The following TMPRSS2 variants were observed in gnomAD, a reference collection of about 807,000 sequenced individuals.
TMPRSS2 encodes the protein transmembrane protease serine 2.
Under a neutral mutation model 67.4 loss-of-function variants are expected in TMPRSS2, and 59 were observed. The ratio of observed to expected loss-of-function variants is 0.88; its 90% CI spans 0.71 to 1.09. TMPRSS2 has a LOEUF of 1.09. Among genes scored for constraint, TMPRSS2 ranks in the 50% least tolerant of loss-of-function variants. The pLI is 0.00. For synonymous variants in TMPRSS2, 257 were observed against 257.0 expected (o/e 1.00, Z 0.00); for missense variants, 668 against 642.7 (o/e 1.04, Z -0.43).
chr21:41,470,683 C>T lies in TMPRSS2; in HGVS notation c.1136G>A (p.Cys379Tyr). 4 of 1,613,658 alleles carry T rather than the reference C, an allele frequency of 2.5e-6. No homozygotes were observed. Among genetic ancestry groups the T allele is most frequent in the Non-Finnish European group, 3.4e-6 (4 of 1,179,972 alleles). Residue 379 changes from cysteine (C) to tyrosine (Y), a missense_variant, in exon 11 of 14, where the codon TGC becomes TAC. By Grantham distance (194) the Cys-to-Tyr change is radical (BLOSUM62 -2). Coordinates refer to ENST00000332149, the MANE Select transcript of TMPRSS2 (RefSeq NM_005656.4). ...GGTGGCCCCCCACCCGGAAATCCAG[C>T]AGAGCTGTTCTGGCTGCAGCATCAT... is the stretch of plus-strand genomic sequence containing the variant. ...PGMMLQPEQL[C>Y]WISGWGATEE...
rs562934488 is a variant in TMPRSS2, at chr21:41,476,525, G to C, written c.727+52C>G. Reference sequence around the variant, plus strand: ...CACAGGGAGTACTGTTCTGAAAGTAGAGAGCTTTTCCTAGTTAGAAGTATC... The same window carrying C: ...CACAGGGAGTACTGTTCTGAAAGTACAGAGCTTTTCCTAGTTAGAAGTATC... On this transcript the variant is annotated intron_variant, in intron 8 of 13. Coordinates refer to ENST00000332149, the MANE Select transcript of TMPRSS2 (RefSeq NM_005656.4). 48 of 1,567,932 alleles carry C rather than the reference G, an allele frequency of 3.1e-5. No homozygotes were observed. The East Asian group carries it at 1.1e-3, about 35-fold the overall frequency.
chr21:41,507,473 C>T (rs1231672330), intron 1 of TMPRSS2, among the ~76,000 whole-genome samples: 1 of 152,166 alleles, frequency 6.6e-6, no homozygotes, highest in Non-Finnish European at 1.5e-5. Context: ...ACTGGCCGTT[C>T]GCACCTCGCC....
intron 5 of TMPRSS2, 53 bp from the exon 6 acceptor site, chr21:41,480,655 T>G: frequency 6.3e-7 from 1 of 1,595,856 alleles, no homozygotes; most frequent in Non-Finnish European, 8.5e-7. Context: ...TTTCTTTTTT[T>G]TGAGACGGAG....
At chr21:41,502,428 C>T (rs1443554710) in intron 1 of TMPRSS2, 2 of 985,322 alleles carry the variant, frequency 2.0e-6, no homozygotes, top group African/African-American at 1.7e-5. Context: ...CCACCTGTGA[C>T]TGGTACGGTT....
At chr21:41,473,844 AG>A (rs2091157643) in intron 8 of TMPRSS2, among the ~76,000 whole-genome samples, 1 of 148,358 alleles carries the variant, frequency 6.7e-6, no homozygotes, top group Non-Finnish European at 1.5e-5. Flanking sequence ...AAGAAAAGGA[AG>A]ATGGGAGGGG....
chr21:41,470,870 C>T (rs2091127681), intron 10 of TMPRSS2, 127 bp from the exon 11 acceptor site: 4 of 622,220 alleles, frequency 6.4e-6, no homozygotes, highest in Non-Finnish European at 1.1e-5. Context: ...TGCATCCCAA[C>T]AAGTCCCACA....
chr21:41,494,847 G>A, intron 2 of TMPRSS2: 3 of 442,378 alleles, frequency 6.8e-6, no homozygotes, highest in Non-Finnish European at 8.3e-6. Context: ...GAGGCGGGCG[G>A]ATCATGAGGT....
rs182796345 is a variant in TMPRSS2, at chr21:41,471,786, C to G, written c.1075+20G>C. ...TTTAAGATTCTGCCAACCTGCTTGCCAAGCCTGAGCCACACGTACCGTTGA... is the reference window on the plus strand; with the variant it reads ...TTTAAGATTCTGCCAACCTGCTTGCGAAGCCTGAGCCACACGTACCGTTGA... On this transcript the variant is annotated intron_variant, in intron 10 of 13. Coordinates refer to ENST00000332149, the MANE Select transcript of TMPRSS2 (RefSeq NM_005656.4). The G allele has an allele frequency of 7.0e-6, 11 of 1,571,338 alleles. No homozygotes were observed. In the East Asian group the frequency reaches 2.5e-4, roughly 36 times the overall value.
chr21:41,497,433 T>C (rs2091391697), intron 2 of TMPRSS2, among the ~76,000 whole-genome samples: 1 of 152,162 alleles, frequency 6.6e-6, no homozygotes, highest in Non-Finnish European at 1.5e-5. Flanking sequence ...ATCTCAGCCA[T>C]CTAAGAACTT....
chr21:41,477,120 A>G (rs1474669103), intron 7 of TMPRSS2, among the ~76,000 whole-genome samples: 1 of 152,232 alleles, frequency 6.6e-6, no homozygotes, highest in Non-Finnish European at 1.5e-5. Context: ...AAGAGGAAGT[A>G]ACTGATGCAT....
Position 41,464,794 on chromosome 21 carries a change from G to A in TMPRSS2, c.*1348C>T, listed in dbSNP as rs2091071418. 4.3e-6 allele frequency: 1 copy of A among 233,302 alleles called. No individual in the cohort carries two copies. Among genetic ancestry groups the A allele is most frequent in the South Asian group, 1.8e-4 (1 of 5,528 alleles). 14.5% of individuals were successfully genotyped at this position (233,302 alleles called of 1,614,324 possible). ...AATGCTGCTCTCTACAGAGGCATGT[G>A]CACAGACAGATCCTGCAAATGGGAT... On this transcript the variant is annotated 3_prime_UTR_variant, in exon 14 of 14. Transcript: ENST00000332149.
chr21:41,496,167 C>T (rs1480916615), intron 2 of TMPRSS2, among the ~76,000 whole-genome samples: 2 of 152,184 alleles, frequency 1.3e-5, no homozygotes, highest in Non-Finnish European at 1.5e-5. Context: ...TCCTTGAGCG[C>T]TCACCATAAT....
chr21:41,498,061 T>A (rs2146494503), intron 2 of TMPRSS2, 58 bp downstream of exon 2: 1 of 1,331,232 alleles, frequency 7.5e-7, no homozygotes, highest in South Asian at 1.2e-5. Flanking sequence ...ATGTTGGGAA[T>A]AACAGAAGGG....
intron 6 of TMPRSS2, among the ~76,000 whole-genome samples, chr21:41,479,886 C>T (rs1259833191): frequency 6.6e-6 from 1 of 152,148 alleles, no homozygotes; most frequent in East Asian, 1.9e-4. Flanking sequence ...ATGGTAACCA[C>T]CGCCCCACCC....
At chr21:41,473,116 C>T (rs1431076017) in intron 9 of TMPRSS2, among the ~76,000 whole-genome samples, 1 of 152,168 alleles carries the variant, frequency 6.6e-6, no homozygotes, top group Non-Finnish European at 1.5e-5. Flanking sequence ...ACCCTGTGCC[C>T]TGCGTGCAGG....
intron 12 of TMPRSS2, 156 bp downstream of exon 12, chr21:41,468,240 C>T (rs774387918): frequency 1.1e-4 from 96 of 880,120 alleles, no homozygotes; most frequent in Middle Eastern, 3.5e-4. Flanking sequence ...CCACCAGAAG[C>T]GTTCGCACTG....
chr21:41,481,193 C>T (rs2091254794), intron 5 of TMPRSS2, among the ~76,000 whole-genome samples: 1 of 152,198 alleles, frequency 6.6e-6, no homozygotes, highest in South Asian at 2.1e-4. Context: ...CGCCCACCAA[C>T]GGCTGGGTGA....
At chr21:41,484,431 G>A (rs1287556114) in intron 5 of TMPRSS2, among the ~76,000 whole-genome samples, 1 of 152,218 alleles carries the variant, frequency 6.6e-6, no homozygotes, top group Non-Finnish European at 1.5e-5. Context: ...CCCTTGGGAA[G>A]AAAGCGCTAC....
intron 2 of TMPRSS2, among the ~76,000 whole-genome samples, chr21:41,495,784 ACT>A (rs2091377040): frequency 6.6e-6 from 1 of 152,074 alleles, no homozygotes; most frequent in African/African-American, 2.4e-5. Context: ...CCCCTGACCC[ACT>A]CAAGACGTAC....
Sources: gnomAD v4.1 joint callset for allele counts (sites outside exome capture counted in the v4.1 genomes callset) on GRCh38, gnomAD v4.1.1 for gene constraint, MANE v1.5 for transcripts, NCBI Gene and HGNC (gene_info 2026-07-23, HGNC 2026-07-21) for gene names.